The following EXTL3 variants were observed in gnomAD, a reference collection of about 807,000 sequenced individuals.
EXTL3 encodes exostosin-like 3.
Under a neutral mutation model 69.3 loss-of-function variants are expected in EXTL3, and 27 were observed. The observed-to-expected ratio is 0.39, with a 90% CI of 0.29 to 0.54. EXTL3 has a LOEUF of 0.54. Among genes scored for constraint, EXTL3 ranks in the 20% least tolerant of loss-of-function variants. The pLI is 0.69. For synonymous variants in EXTL3, 511 were observed against 499.4 expected (o/e 1.02, Z -0.31); for missense variants, 1,003 against 1,231.8 (o/e 0.81, Z 2.78).
intron 1 of EXTL3, among the ~76,000 whole-genome samples, chr8:28,629,051 A>G (rs1806534963): frequency 6.6e-6 from 1 of 152,132 alleles, no homozygotes; most frequent in Non-Finnish European, 1.5e-5. Flanking sequence ...TCCTCTTTTT[A>G]CAGATGAGAA....
intron 1 of EXTL3, among the ~76,000 whole-genome samples, chr8:28,635,729 A>G (rs1007352064): frequency 6.6e-6 from 1 of 151,720 alleles, no homozygotes; most frequent in Admixed American, 6.6e-5. Context: ...ACACACACAC[A>G]CACACACACA....
At chr8:28,642,290 T>C (rs1346861284) in intron 1 of EXTL3, among the ~76,000 whole-genome samples, 1 of 150,490 alleles carries the variant, frequency 6.6e-6, no homozygotes, top group African/African-American at 2.4e-5. Context: ...TTAAAAAAAA[T>C]ACAAAATTAG....
At chr8:28,680,938 C>T (rs1450003395) in intron 1 of EXTL3, among the ~76,000 whole-genome samples, 1 of 152,028 alleles carries the variant, frequency 6.6e-6, no homozygotes, top group African/African-American at 2.4e-5. Flanking sequence ...AGTGCGGTGA[C>T]ACGATCTCAG....
In EXTL3 at chr8:28,725,734, A is replaced by G. The variant is rs181457067; in HGVS notation, c.2149-5489A>G. ...AGTTACTAAGATGTAATCATAAGGCATCTAATAGCAATATGCTGTAGTAAC... is the reference window on the plus strand; with the variant it reads ...AGTTACTAAGATGTAATCATAAGGCGTCTAATAGCAATATGCTGTAGTAAC... On this transcript the variant is annotated intron_variant, in intron 3 of 6. Coordinates refer to ENST00000220562, the MANE Select transcript of EXTL3 (RefSeq NM_001440.4). 1.9e-3 allele frequency among the ~76,000 whole-genome samples: 286 copies of G among 152,350 alleles called. 1 individual carries two copies. The highest frequency in any genetic ancestry group is 6.4e-3 in the African/African-American group (265 of 41,592).
intron 3 of EXTL3, among the ~76,000 whole-genome samples, chr8:28,720,736 G>A (rs1277051323): frequency 1.3e-5 from 2 of 152,144 alleles, no homozygotes; most frequent in Non-Finnish European, 2.9e-5. Context: ...TGGGTCTCCC[G>A]TTGAATGGGG....
In EXTL3 at chr8:28,717,969, G is replaced by A. The variant is rs756490197; in HGVS notation, c.1910G>A (p.Arg637Gln). ...AKFLGSGTGF[R>Q]PIGGGAGGSG... Reference sequence around the variant, plus strand: ...TTCTTGGGCTCAGGGACTGGCTTTCGGCCTATTGGTGGTGGAGCTGGGGGT... The same window carrying A: ...TTCTTGGGCTCAGGGACTGGCTTTCAGCCTATTGGTGGTGGAGCTGGGGGT... The change falls in exon 3 of 7, where the codon CGG (arginine) becomes CAG (glutamine). Residue 637 changes from arginine (R) to glutamine (Q), a missense_variant. Arg to Gln is a conservative substitution (Grantham distance 43, BLOSUM62 1). Transcript: ENST00000220562. This position sits in a 1 kb window ranked among gnomAD's most constrained non-coding sequence, Gnocchi z 8.3. The A allele has an allele frequency of 5.6e-6, 9 of 1,614,152 alleles. No homozygotes were observed. Among genetic ancestry groups the A allele is most frequent in the South Asian group, 3.3e-5 (3 of 91,072 alleles).
chr8:28,725,148 G>A (rs1801386932), intron 3 of EXTL3, among the ~76,000 whole-genome samples: 1 of 152,130 alleles, frequency 6.6e-6, no homozygotes. Context: ...TTGGAGGATG[G>A]AGATTGTCGG....
At chr8:28,684,264 A>C (rs913934328) in intron 1 of EXTL3, among the ~76,000 whole-genome samples, 1 of 151,962 alleles carries the variant, frequency 6.6e-6, no homozygotes, top group Non-Finnish European at 1.5e-5. Context: ...TTTTTGATAT[A>C]CTGATTTTCT....
downstream of EXTL3, among the ~76,000 whole-genome samples, chr8:28,756,562 A>T (rs112487473): frequency 3.2e-3 from 495 of 152,330 alleles, 4 homozygotes; most frequent in South Asian, 0.015. Flanking sequence ...GTGAACATTC[A>T]TGTGCAAGTC....
chr8:28,635,670 C>T (rs972153118), intron 1 of EXTL3, among the ~76,000 whole-genome samples: 4 of 150,672 alleles, frequency 2.7e-5, no homozygotes, highest in African/African-American at 4.9e-5. Flanking sequence ...GAGATCGCAC[C>T]ACTGCACTCC....
chr8:28,619,344 T>G (rs1479217290), upstream of EXTL3, among the ~76,000 whole-genome samples: 1 of 122,482 alleles, frequency 8.2e-6, no homozygotes, highest in Non-Finnish European at 1.6e-5. Flanking sequence ...CGCTCTAACC[T>G]AAATATCTAC....
intron 6 of EXTL3, chr8:28,744,044 G>A (rs569480316): frequency 2.6e-5 from 4 of 152,284 alleles, no homozygotes; most frequent in African/African-American, 9.6e-5. Context: ...CCCACTTCCT[G>A]TCATCTTTGT....
At chr8:28,652,025 TTG>T (rs113760212) in intron 1 of EXTL3, among the ~76,000 whole-genome samples, 1 of 151,296 alleles carries the variant, frequency 6.6e-6, no homozygotes, top group Non-Finnish European at 1.5e-5. Context: ...TAATATTCCA[TTG>T]TGTGTGTGTG....
Position 28,717,705 on chromosome 8 carries a change from C to T in EXTL3, c.1646C>T (p.Ala549Val), listed in dbSNP as rs750476711. 8.1e-6 allele frequency: 13 copies of T among 1,614,126 alleles called. No homozygotes were observed. In the Admixed American group the frequency reaches 1.7e-4, roughly 21 times the overall value. Residue 549 changes from alanine to valine, a missense_variant, in exon 3 of 7, where the codon GCG (alanine) becomes GTG (valine). Transcript: ENST00000220562. This position sits in a 1 kb window ranked among gnomAD's most constrained non-coding sequence, Gnocchi z 8.3. ...CCAGCCGCTCCCATCCGGGAAGAGGCGGCAGCTGAGATCCCCCACCGTTCA... is the reference window on the plus strand; with the variant it reads ...CCAGCCGCTCCCATCCGGGAAGAGGTGGCAGCTGAGATCCCCCACCGTTCA... The part of the protein sequence containing the change: ...QIPAAPIREE[A>V]AAEIPHRSGK...
rs553322275 is a variant in EXTL3 at position 28,716,486 on chromosome 8, A to G, written c.427A>G (p.Lys143Glu). ...NVISQTEHSY[K>E]ELMAQNQPKL... ...CATCAGCCAGACCGAGCATTCCTAC[A>G]AGGAGCTCATGGCCCAGAACCAGCC... The change falls in exon 3 of 7, where the codon AAG becomes GAG. Residue 143 changes from lysine (K) to glutamate (E), a missense_variant. Coordinates refer to ENST00000220562, the MANE Select transcript of EXTL3 (RefSeq NM_001440.4). This position sits in a 1 kb window ranked among gnomAD's most constrained non-coding sequence, Gnocchi z 7.1. 5.0e-6 allele frequency: 8 copies of G among 1,614,006 alleles called. No individual in the cohort carries two copies. The African/African-American group carries it at 1.1e-4, about 22-fold the overall frequency.
chr8:28,608,662 A>C (rs1384864205), intron 2 of EXTL3, among the ~76,000 whole-genome samples: 1 of 151,956 alleles, frequency 6.6e-6, no homozygotes, highest in Non-Finnish European at 1.5e-5. Context: ...CAGGAGTTCA[A>C]GACCAGCCTG....
At chr8:28,702,701 C>A (rs1276849698) in intron 1 of EXTL3, among the ~76,000 whole-genome samples, 1 of 151,984 alleles carries the variant, frequency 6.6e-6, no homozygotes, top group African/African-American at 2.4e-5. Context: ...ACAACATGTC[C>A]ATTATTTCCC....
intron 3 of EXTL3, among the ~76,000 whole-genome samples, chr8:28,723,361 G>A (rs997806069): frequency 1.3e-5 from 2 of 152,100 alleles, no homozygotes; most frequent in East Asian, 1.9e-4. Context: ...TTCTGTTTGC[G>A]AATGGGCTGT....
chr8:28,727,356 A>G, intron 3 of EXTL3, among the ~76,000 whole-genome samples: 1 of 152,080 alleles, frequency 6.6e-6, no homozygotes, highest in East Asian at 1.9e-4. Context: ...ATATCTAAGT[A>G]ATGGACTTTA....
Sources: allele counts gnomAD v4.1 joint callset (sites outside exome capture counted in the v4.1 genomes callset), GRCh38; gene constraint gnomAD v4.1.1; non-coding constraint Gnocchi (gnomAD v3.1); transcripts MANE v1.5; gene names NCBI Gene and HGNC (gene_info 2026-07-23, HGNC 2026-07-21).